Variants in GALNT15 observed in about 807,000 individuals in gnomAD.
The protein encoded by GALNT15 is UDP-GalNAc transferase T15.
A neutral mutation model predicts 66.8 loss-of-function variants in GALNT15; 67 were observed. That is an observed-to-expected ratio of 1.00 (90% CI 0.82 to 1.23). GALNT15 has a LOEUF of 1.23. Ranked by LOEUF, GALNT15 falls within the 50% of genes most tolerant of loss-of-function variation. GALNT15 has a pLI of 0.00. For missense variants in GALNT15, 827 were observed against 804.3 expected (o/e 1.03, Z -0.34); for synonymous variants, 313 against 311.5 (o/e 1.00, Z -0.05).
At position 16,175,391 on chromosome 3, in the gene GALNT15, T is replaced by G. The variant is rs939070137; in HGVS notation, c.240T>G (p.Pro80=). ...EAEDEGEEYS[P]LEGLPPFISL... is the part of the protein sequence containing the mutation. ...AGGATGAGGGTGAAGAGTACAGCCC[T>G]CTGGAGGGCCTGCCACCCTTTATCT... Residue 80 remains proline (P), a synonymous_variant, in exon 1 of 10, where the codon CCT becomes CCG. Coordinates refer to ENST00000339732, the MANE Select transcript of GALNT15 (RefSeq NM_054110.5). The surrounding 1 kb of genome is among the most constrained non-coding windows in gnomAD (Gnocchi z 5.6). 1.1e-5 allele frequency: 17 copies of G among 1,614,038 alleles called. No homozygotes were observed. Among genetic ancestry groups the G allele is most frequent in the Non-Finnish European group, 1.4e-5 (16 of 1,180,028 alleles).
At position 16,201,480 on chromosome 3, in the gene GALNT15, C is replaced by T. The variant is rs1187079118; in HGVS notation, c.911+657C>T. Among the ~76,000 whole-genome samples the T allele has an allele frequency of 6.6e-5, 10 of 152,080 alleles. No individual in the cohort carries two copies. In the South Asian group the frequency reaches 8.3e-4, roughly 13 times the overall value. On this transcript the variant is annotated intron_variant, in intron 3 of 9. Transcript: ENST00000339732. ...ACAGGCGTGAGCCACCGCGCCTGGCCGAAAATTCGTCAATTTTAATCAAGC... is the reference window on the plus strand; with the variant it reads ...ACAGGCGTGAGCCACCGCGCCTGGCTGAAAATTCGTCAATTTTAATCAAGC...
intron 3 of GALNT15, among the ~76,000 whole-genome samples, chr3:16,201,332 C>T (rs901970255): frequency 5.9e-5 from 9 of 152,226 alleles, no homozygotes; most frequent in African/African-American, 2.2e-4. Flanking sequence ...CAGGCGCCCG[C>T]CACCACACCC....
chr3:16,198,264 C>T (rs58704679), intron 2 of GALNT15, among the ~76,000 whole-genome samples: 15,506 of 141,686 alleles, frequency 0.11, 3,037 homozygotes, highest in African/African-American at 0.14. Flanking sequence ...AACAGGGCTG[C>T]TCTACCTCTG....
rs1199809250 is a variant in GALNT15 at position 16,176,011 on chromosome 3, C to G, written c.539+321C>G. Among the ~76,000 whole-genome samples the G allele has an allele frequency of 6.6e-6, 1 of 152,202 alleles. No individual in the cohort carries two copies. Among genetic ancestry groups the G allele is most frequent in the African/African-American group, 2.4e-5 (1 of 41,450 alleles). On this transcript the variant is annotated intron_variant, in intron 1 of 9. Transcript: ENST00000339732. The surrounding 1 kb of genome is among the most constrained non-coding windows in gnomAD (Gnocchi z 5.6). ...GACTCTTGCTTGTTCATTCTCTTCTCCGTCCTGGGTTCTAGTTCTTCTGTC... is the reference window on the plus strand; with the variant it reads ...GACTCTTGCTTGTTCATTCTCTTCTGCGTCCTGGGTTCTAGTTCTTCTGTC...
chr3:16,212,428 C>T (rs1475335505), intron 5 of GALNT15, 141 bp from the exon 6 acceptor site: 5 of 770,314 alleles, frequency 6.5e-6, no homozygotes, highest in South Asian at 5.7e-5. Flanking sequence ...TCTACGCCAC[C>T]CTGAGGACCA....
intron 3 of GALNT15, among the ~76,000 whole-genome samples, chr3:16,202,263 T>G (rs1035233070): frequency 5.9e-5 from 9 of 152,232 alleles, no homozygotes; most frequent in African/African-American, 1.7e-4. Flanking sequence ...ATGAGACAGA[T>G]TGTCTCTTGA....
Position 16,195,860 on chromosome 3 carries a change from A to G in GALNT15, c.640A>G (p.Ile214Val). 6.2e-7 allele frequency: 1 copy of G among 1,614,090 alleles called. No individual in the cohort carries two copies. Among genetic ancestry groups the G allele is most frequent in the Non-Finnish European group, 8.5e-7 (1 of 1,179,988 alleles). Residue 214 changes from isoleucine (I) to valine (V), a missense_variant, in exon 2 of 10, where the codon ATC (isoleucine) becomes GTC (valine). Coordinates refer to ENST00000339732, the MANE Select transcript of GALNT15 (RefSeq NM_054110.5). The surrounding 1 kb of genome is among the most constrained non-coding windows in gnomAD (Gnocchi z 4.6). Reference protein sequence around the residue: ...WSTLLRTVHSILDTVPRAFLK... With the variant: ...WSTLLRTVHSVLDTVPRAFLK... ...CACTCTCCTGCGGACTGTACACAGC[A>G]TCCTCGACACAGTGCCCAGGGCCTT...
At position 16,177,889 on chromosome 3, in the gene GALNT15, A is replaced by C. The variant is rs537611701; in HGVS notation, c.539+2199A>C. Reference sequence around the variant, plus strand: ...TTATTATGCATGTGGTATAAAGTGCATGGATATGTTGTATGTGGCACAAGT... The same window carrying C: ...TTATTATGCATGTGGTATAAAGTGCCTGGATATGTTGTATGTGGCACAAGT... On this transcript the variant is annotated intron_variant, in intron 1 of 9. Coordinates refer to ENST00000339732, the MANE Select transcript of GALNT15 (RefSeq NM_054110.5). 9.9e-5 allele frequency among the ~76,000 whole-genome samples: 15 copies of C among 152,274 alleles called. No homozygotes were observed. In the South Asian group the frequency reaches 3.1e-3, roughly 32 times the overall value.
intron 1 of GALNT15, among the ~76,000 whole-genome samples, chr3:16,178,614 A>G (rs1462527425): frequency 6.6e-6 from 1 of 152,056 alleles, no homozygotes; most frequent in African/African-American, 2.4e-5. Flanking sequence ...GCCTTCCCTT[A>G]ACTGGATTCC....
At position 16,229,223 on chromosome 3, in the gene GALNT15, T is replaced by G. The variant is rs1421220110; in HGVS notation, c.*1723T>G. Reference sequence around the variant, plus strand: ...ACGTATTCATTGTCTACCTGCTAAGTCAAGGGTTCACTGCATTTCTCCTTC... The same window carrying G: ...ACGTATTCATTGTCTACCTGCTAAGGCAAGGGTTCACTGCATTTCTCCTTC... On this transcript the variant is annotated 3_prime_UTR_variant, in exon 10 of 10. Transcript: ENST00000339732. The G allele has an allele frequency of 1.0e-6, 1 of 985,278 alleles. No individual in the cohort carries two copies. The highest frequency in any genetic ancestry group is 1.2e-6 in the Non-Finnish European group (1 of 829,886). 61.0% of individuals were successfully genotyped at this position (985,278 alleles called of 1,614,324 possible).
the GALNT15 span, among the ~76,000 whole-genome samples, chr3:16,245,393 C>T: frequency 2.6e-5 from 4 of 152,346 alleles, no homozygotes; most frequent in Admixed American, 6.5e-5. Context: ...TCTAGACTAA[C>T]ATGGCTGATG....
intron 2 of GALNT15, among the ~76,000 whole-genome samples, chr3:16,197,636 A>C (rs1265990389): frequency 6.6e-6 from 1 of 152,212 alleles, no homozygotes; most frequent in Non-Finnish European, 1.5e-5. Context: ...TGGTCATGAC[A>C]GCATAGTGTA....
At position 16,204,039 on chromosome 3, in the gene GALNT15, T is replaced by C. The variant is rs1290543345; in HGVS notation, c.911+3216T>C. ...GTGCCCAAAAGACAGAAAAGGGTCT[T>C]TAAGAGCTCTTATAAAAAAAAAAAA... On this transcript the variant is annotated intron_variant, in intron 3 of 9. Coordinates refer to ENST00000339732, the MANE Select transcript of GALNT15 (RefSeq NM_054110.5). This position sits in a 1 kb window ranked among gnomAD's most constrained non-coding sequence, Gnocchi z 4.5. Among the ~76,000 whole-genome samples the C allele has an allele frequency of 6.6e-6, 1 of 151,906 alleles. No homozygotes were observed. Among genetic ancestry groups the C allele is most frequent in the Non-Finnish European group, 1.5e-5 (1 of 67,992 alleles).
At chr3:16,223,935 C>T (rs183356817) in intron 9 of GALNT15, among the ~76,000 whole-genome samples, 37 of 152,210 alleles carry the variant, frequency 2.4e-4, no homozygotes, top group Admixed American at 1.4e-3. Flanking sequence ...CTCGGGTGAT[C>T]CACCCACTCG....
downstream of GALNT15, among the ~76,000 whole-genome samples, chr3:16,230,717 G>A (rs190174893): frequency 3.2e-4 from 49 of 152,280 alleles, 1 homozygote; most frequent in East Asian, 8.1e-3. The surrounding 1 kb of genome is among the most constrained non-coding windows in gnomAD (Gnocchi z 4.5). Context: ...TTGTTCTTTC[G>A]AAGTTCTTTT....
Position 16,191,279 on chromosome 3 carries a change from T to A in GALNT15, c.540-4481T>A, listed in dbSNP as rs1317355258. ...GCTGCGGGAAGGAGCCCCCAAAGAA[T>A]CAAGAACACACACTTTCAAGGCTGG... On this transcript the variant is annotated intron_variant, in intron 1 of 9. Transcript: ENST00000339732. The surrounding 1 kb of genome is among the most constrained non-coding windows in gnomAD (Gnocchi z 5.2). 5 of 975,426 alleles carry A rather than the reference T, an allele frequency of 5.1e-6. No individual in the cohort carries two copies. The highest frequency in any genetic ancestry group is 1.8e-5 in the African/African-American group (1 of 57,032). The allele number at this position is 975,426 out of a possible 1,614,324, so 60.4% of individuals were successfully genotyped here. A position where few individuals can be genotyped will look rare whatever the true frequency, so the allele number is the denominator to read the frequency against.
chr3:16,216,671 C>T (rs748971057), intron 6 of GALNT15, among the ~76,000 whole-genome samples: 55 of 152,180 alleles, frequency 3.6e-4, no homozygotes, highest in Non-Finnish European at 7.1e-4. Flanking sequence ...TGATTCTTCC[C>T]CTGGCGGGGG....
Position 16,225,410 on chromosome 3 carries a change from A to C in GALNT15, c.1774-1944A>C, listed in dbSNP as rs998469104. Among the ~76,000 whole-genome samples the C allele has an allele frequency of 2.6e-5, 4 of 152,182 alleles. No individual in the cohort carries two copies. The highest frequency in any genetic ancestry group is 5.9e-5 in the Non-Finnish European group (4 of 68,010). Reference sequence around the variant, plus strand: ...GTGTTTTTATCACAATTTTTTTAAAAAAGAGGCCAGGCTCAATGGCTCACG... The same window carrying C: ...GTGTTTTTATCACAATTTTTTTAAACAAGAGGCCAGGCTCAATGGCTCACG... On this transcript the variant is annotated intron_variant, in intron 9 of 9. Transcript: ENST00000339732. The surrounding 1 kb of genome is among the most constrained non-coding windows in gnomAD (Gnocchi z 4.4).
intron 1 of GALNT15, among the ~76,000 whole-genome samples, chr3:16,192,400 C>A (rs1479204109): frequency 6.6e-6 from 1 of 152,180 alleles, no homozygotes; most frequent in East Asian, 1.9e-4. Context: ...CTCTCTGTCC[C>A]AAACTCCTTT....
Sources: gnomAD v4.1 joint callset for allele counts (sites outside exome capture counted in the v4.1 genomes callset) on GRCh38, gnomAD v4.1.1 for gene constraint, Gnocchi (gnomAD v3.1) non-coding constraint, MANE v1.5 for transcripts, NCBI Gene and HGNC (gene_info 2026-07-23, HGNC 2026-07-21) for gene names.